NID1: variants seen among roughly 807,000 people sequenced by gnomAD.
NID1 encodes the protein nidogen-1.
A neutral mutation model predicts 130.6 loss-of-function variants in NID1; 76 were observed. The ratio of observed to expected loss-of-function variants is 0.58; its 90% confidence interval spans 0.48 to 0.70. The LOEUF is 0.70. Ranked by LOEUF, NID1 falls within the 30% of genes least tolerant of loss-of-function variation. NID1 has a pLI of 0.00. For missense variants in NID1, 1,517 were observed against 1,664.8 expected (o/e 0.91, Z 1.54); for synonymous variants, 665 against 675.1 (o/e 0.98, Z 0.23).
chr1:236,029,937 C>A (rs751132775), intron 6 of NID1, among the ~76,000 whole-genome samples, 187 bp from the exon 7 acceptor site: 1 of 152,098 alleles, frequency 6.6e-6, no homozygotes, highest in Admixed American at 6.5e-5. Context: ...CTGAGCCACA[C>A]GCAGAGGAGA....
At chr1:236,031,750 G>C (rs893514477) in intron 6 of NID1, among the ~76,000 whole-genome samples, 1 of 152,196 alleles carries the variant, frequency 6.6e-6, no homozygotes, top group African/African-American at 2.4e-5. Context: ...AGGTTGGGCT[G>C]GTCTTGGCAG....
At chr1:236,009,087 T>C (rs1235256826) in intron 12 of NID1, among the ~76,000 whole-genome samples, 2 of 152,222 alleles carry the variant, frequency 1.3e-5, no homozygotes, top group Non-Finnish European at 2.9e-5. Flanking sequence ...GCAATGTGAA[T>C]GTTTATGTCC....
rs1457795192 is a variant in NID1, at chr1:236,064,867, G to T, written c.213C>A (p.Ile71=). ...GGGGCTCACTCACGTAGACTGCGTC[G>T]ATGTCGGATCTGTCGTAGAAGCGGA... ...GALRFYDRSD[I]DAVYVTTNGI... The change falls in exon 1 of 20, where the codon ATC becomes ATA. Residue 71 remains isoleucine, a synonymous_variant. Coordinates refer to ENST00000264187, the MANE Select transcript of NID1 (RefSeq NM_002508.3). 2.5e-6 allele frequency: 4 copies of T among 1,611,702 alleles called. No homozygotes were observed. The highest frequency in any genetic ancestry group is 1.1e-5 in the South Asian group (1 of 90,852).
chr1:235,999,199 G>A (rs1032777812), intron 12 of NID1, among the ~76,000 whole-genome samples: 4 of 152,376 alleles, frequency 2.6e-5, no homozygotes, highest in African/African-American at 7.2e-5. Context: ...CTGGTGTCCT[G>A]TGTGCTGTCA....
chr1:236,059,562 G>A (rs1034339453), intron 1 of NID1, among the ~76,000 whole-genome samples: 1 of 152,106 alleles, frequency 6.6e-6, no homozygotes, highest in Non-Finnish European at 1.5e-5. Flanking sequence ...TCAAACACTA[G>A]AAGTGCCAGA....
chr1:235,989,891 G>A (rs1657680758), intron 14 of NID1, among the ~76,000 whole-genome samples: 1 of 152,228 alleles, frequency 6.6e-6, no homozygotes, highest in Non-Finnish European at 1.5e-5. Flanking sequence ...GAGGGTTGAA[G>A]TTGGTAAGTG....
At chr1:235,990,627 A>G (rs1657704536) in intron 14 of NID1, among the ~76,000 whole-genome samples, 1 of 152,234 alleles carries the variant, frequency 6.6e-6, no homozygotes, top group Non-Finnish European at 1.5e-5. Context: ...GCTTGTTGCT[A>G]CGTCAGAGCA....
rs138155590 is a variant in NID1 at position 236,000,023 on chromosome 1, G to A, written c.2528-6151C>T. ...GAGGTCAGGAGTTTGAGACCAGCCT[G>A]GCCAATGTGGTGAGACCCCATCTCT... On this transcript the variant is annotated intron_variant, in intron 12 of 19. Transcript: ENST00000264187. 2.2e-3 allele frequency among the ~76,000 whole-genome samples: 330 copies of A among 152,230 alleles called. 1 individual carries two copies. Among genetic ancestry groups the A allele is most frequent in the Non-Finnish European group, 3.9e-3 (268 of 68,016 alleles).
chr1:236,005,790 T>C (rs1296064319), intron 12 of NID1, among the ~76,000 whole-genome samples: 1 of 152,212 alleles, frequency 6.6e-6, no homozygotes, highest in Non-Finnish European at 1.5e-5. Context: ...CTAACTTCTG[T>C]ACAGAGCATA....
intron 12 of NID1, among the ~76,000 whole-genome samples, chr1:236,002,685 C>T (rs1204999112): frequency 6.6e-6 from 1 of 152,106 alleles, no homozygotes; most frequent in Admixed American, 6.5e-5. Context: ...GGACGGTTGC[C>T]TTTGTGCTTC....
rs536653177 is a variant in NID1, at chr1:235,979,237, A to C, written c.3510-130T>G. 69 of 655,202 alleles carry C rather than the reference A, an allele frequency of 1.1e-4. No homozygotes were observed. Among genetic ancestry groups the C allele is most frequent in the Non-Finnish European group, 1.8e-4 (65 of 365,110 alleles). 40.6% of individuals were successfully genotyped at this position (655,202 alleles called of 1,614,324 possible). On this transcript the variant is annotated intron_variant, in intron 18 of 19. Coordinates refer to ENST00000264187, the MANE Select transcript of NID1 (RefSeq NM_002508.3). The surrounding 1 kb of genome is among the most constrained non-coding windows in gnomAD (Gnocchi z 4.6). ...AAACAGACATGATGGCCTTCTTCCTAGACATCCCTTCCTTCCCCTGGGGTG... is the reference window on the plus strand; with the variant it reads ...AAACAGACATGATGGCCTTCTTCCTCGACATCCCTTCCTTCCCCTGGGGTG...
intron 3 of NID1, among the ~76,000 whole-genome samples, chr1:236,045,147 C>A (rs930163773): frequency 7.1e-6 from 1 of 140,076 alleles, no homozygotes; most frequent in African/African-American, 2.7e-5. Context: ...TGCAGTGAGT[C>A]GAGATTGTGC....
At chr1:236,026,714 T>C (rs915149452) in intron 7 of NID1, among the ~76,000 whole-genome samples, 1 of 151,918 alleles carries the variant, frequency 6.6e-6, no homozygotes, top group African/African-American at 2.4e-5. Context: ...TCAATTATGA[T>C]TCAATAAATG....
chr1:236,035,975 T>C (rs1295611046), intron 5 of NID1, among the ~76,000 whole-genome samples: 1 of 152,098 alleles, frequency 6.6e-6, no homozygotes, highest in African/African-American at 2.4e-5. Flanking sequence ...ATCCAACAAA[T>C]ATTTAAACCA....
At position 236,041,953 on chromosome 1, in the gene NID1, G is replaced by C; in HGVS notation, c.1092C>G (p.His364Gln). 6.2e-7 allele frequency: 1 copy of C among 1,613,960 alleles called. No individual in the cohort carries two copies. Among genetic ancestry groups the C allele is most frequent in the Non-Finnish European group, 8.5e-7 (1 of 1,179,950 alleles). ...CTTCATCCACATCTATGACCTGAGG[G>C]TGCTGCTGGTGAAAAGTCTCCACTG... is the stretch of plus-strand genomic sequence containing the variant. Reference protein sequence around the residue: ...QLAVETFHQQHPQVIDVDEVE... With the variant: ...QLAVETFHQQQPQVIDVDEVE... The change falls in exon 4 of 20, where the codon CAC (histidine) becomes CAG (glutamine). Residue 364 changes from histidine to glutamine, a missense_variant. This residue lies in a region of NID1 where 1,329 missense variants were observed against 1,429.2 expected (regional missense o/e 0.93). Transcript: ENST00000264187.
intron 7 of NID1, 148 bp from the exon 8 acceptor site, chr1:236,026,289 T>C (rs1658929528): frequency 1.1e-6 from 1 of 913,312 alleles, no homozygotes; most frequent in Admixed American, 2.8e-5. Flanking sequence ...CAGAACAGCT[T>C]AAATAAGACC....
Position 236,013,524 on chromosome 1 carries a change from G to T in NID1, c.2291C>A (p.Thr764Asn), listed in dbSNP as rs141303044. 1.1e-4 allele frequency: 182 copies of T among 1,614,058 alleles called. No homozygotes were observed. The highest frequency in any genetic ancestry group is 1.5e-4 in the Admixed American group (9 of 59,998). ...VDQRPINYCE[T>N]GLHNCDIPQR... ...GGGTATGTCGCAGTTATGAAGGCCAGTTTCACAGTAGTTGATGGGGCGCTG... is the reference window on the plus strand; with the variant it reads ...GGGTATGTCGCAGTTATGAAGGCCATTTTCACAGTAGTTGATGGGGCGCTG... Residue 764 changes from threonine (T) to asparagine (N), a missense_variant, in exon 11 of 20, where the codon ACT becomes AAT. Around this residue, in one of 3 missense-constraint regions of NID1, gnomAD observed 1,329 missense variants for 1,429.2 expected, o/e 0.93. Transcript: ENST00000264187.
chr1:235,997,841 C>A (rs902096545), intron 12 of NID1, among the ~76,000 whole-genome samples: 1 of 152,130 alleles, frequency 6.6e-6, no homozygotes, highest in Non-Finnish European at 1.5e-5. Context: ...CTCCTGACCT[C>A]AGGTGATCCA....
chr1:236,025,279 T>TTTTTTTTTTTTA, intron 8 of NID1, among the ~76,000 whole-genome samples: 5 of 149,752 alleles, frequency 3.3e-5, no homozygotes, highest in African/African-American at 1.2e-4. Context: ...TTTTTTTTTT[T>TTTTTTTTTTTTA]GAGACAGAGT....
Sources: gnomAD v4.1 joint callset for allele counts (sites outside exome capture counted in the v4.1 genomes callset) on GRCh38, gnomAD v4.1.1 for gene constraint, gnomAD v4.1.1 regional missense constraint, Gnocchi (gnomAD v3.1) non-coding constraint, MANE v1.5 for transcripts, NCBI Gene and HGNC (gene_info 2026-07-23, HGNC 2026-07-21) for gene names.